PITPNC1: variants seen among roughly 807,000 people sequenced by gnomAD.
PITPNC1 encodes cytoplasmic phosphatidylinositol transfer protein 1.
PITPNC1 carries 18 observed loss-of-function variants against 44.7 expected under a neutral mutation model. That is an observed-to-expected ratio of 0.40 (90% CI 0.28 to 0.60). PITPNC1 has a LOEUF of 0.60. Ranked by LOEUF, PITPNC1 falls within the 20% of genes least tolerant of loss-of-function variation. The pLI is 0.39. For synonymous variants in PITPNC1, 141 were observed against 149.6 expected, an observed-to-expected ratio of 0.94 and a Z score of 0.42; for missense variants, 290 against 418.4, an observed-to-expected ratio of 0.69 and a Z score of 2.68.
intron 5 of PITPNC1, among the ~76,000 whole-genome samples, chr17:67,601,297 T>C (rs2041536414): frequency 6.6e-6 from 1 of 152,192 alleles, no homozygotes; most frequent in Non-Finnish European, 1.5e-5. Context: ...TAGCAACAGC[T>C]GGTCAATGAA....
At chr17:67,485,704 C>G (rs2039769560) in intron 1 of PITPNC1, among the ~76,000 whole-genome samples, 1 of 152,020 alleles carries the variant, frequency 6.6e-6, no homozygotes, top group Non-Finnish European at 1.5e-5. Flanking sequence ...TCTGTAAGAT[C>G]AGGAGTTGAG....
At chr17:67,532,707 C>T (rs2040478842) in intron 1 of PITPNC1, 95 bp from the exon 2 acceptor site, 1 of 956,306 alleles carries the variant, frequency 1.0e-6, no homozygotes, top group Non-Finnish European at 1.6e-6. Flanking sequence ...GCAGAAGGTG[C>T]TGATGTTATT....
chr17:67,388,027 T>G (rs2038080562), intron 1 of PITPNC1, among the ~76,000 whole-genome samples: 1 of 152,206 alleles, frequency 6.6e-6, no homozygotes, highest in Admixed American at 6.5e-5. Flanking sequence ...GGTCCACACA[T>G]AGTAAATACT....
intron 1 of PITPNC1, among the ~76,000 whole-genome samples, chr17:67,479,964 C>T (rs895044205): frequency 2.6e-5 from 4 of 152,196 alleles, no homozygotes; most frequent in Admixed American, 2.0e-4. Context: ...AAATGACTTT[C>T]CCTGAATTAT....
At chr17:67,426,379 C>T (rs980888464) in intron 1 of PITPNC1, among the ~76,000 whole-genome samples, 4 of 152,094 alleles carry the variant, frequency 2.6e-5, no homozygotes, top group African/African-American at 9.7e-5. Context: ...CAACGATAGA[C>T]TGGATAAAGA....
chr17:67,413,432 T>TCTTTC (rs11275459), intron 1 of PITPNC1, among the ~76,000 whole-genome samples: 1 of 151,896 alleles, frequency 6.6e-6, no homozygotes, highest in East Asian at 1.9e-4. Context: ...TTTCTTTCTT[T>TCTTTC]TTGGAAAAGT....
At chr17:67,437,839 G>A (rs1410941334) in intron 1 of PITPNC1, among the ~76,000 whole-genome samples, 4 of 152,210 alleles carry the variant, frequency 2.6e-5, no homozygotes, top group South Asian at 2.1e-4. Context: ...AGGCCGAGGC[G>A]GGCGGATCAC....
rs145826192 is a variant in PITPNC1, at chr17:67,529,236, G to T, written c.49-3566G>T. Among the ~76,000 whole-genome samples, 78 of 152,320 alleles carry T rather than the reference G, an allele frequency of 5.1e-4. 2 individuals carry two copies. In the East Asian group the frequency reaches 7.3e-3, roughly 14 times the overall value. On this transcript the variant is annotated intron_variant, in intron 1 of 8. Transcript: ENST00000581322. ...TCTCCACTGAGCAGGAAGCACTCGAGCTGAGCCCAGCCAGGGCTGACTGGC... is the reference window on the plus strand; with the variant it reads ...TCTCCACTGAGCAGGAAGCACTCGATCTGAGCCCAGCCAGGGCTGACTGGC...
At chr17:67,599,809 A>G (rs1054495207) in intron 5 of PITPNC1, among the ~76,000 whole-genome samples, 2 of 152,146 alleles carry the variant, frequency 1.3e-5, no homozygotes, top group Admixed American at 6.6e-5. Context: ...CCTTTGCAAG[A>G]TTTCCCATCT....
At position 67,591,217 on chromosome 17, in the gene PITPNC1, GCTGGC is replaced by G. The variant is rs2041387567; in HGVS notation, c.366+12964_366+12968del. The stretch of plus-strand genomic sequence containing the variant: ...CAGATTGATGGGATTCTATAAAATA[GCTGGC>G]CTGTACTCTCCAAAATTGTTGAGGT... On this transcript the variant is annotated intron_variant, in intron 5 of 8. Coordinates refer to ENST00000581322, the MANE Select transcript of PITPNC1 (RefSeq NM_012417.4). 2.6e-5 allele frequency among the ~76,000 whole-genome samples: 4 copies of G among 152,150 alleles called. No homozygotes were observed. The South Asian group carries it at 8.3e-4, about 32-fold the overall frequency.
chr17:67,656,008 G>A (rs563466381), intron 6 of PITPNC1, among the ~76,000 whole-genome samples: 12 of 152,338 alleles, frequency 7.9e-5, no homozygotes, highest in African/African-American at 1.9e-4. Flanking sequence ...ATGGGAGCCC[G>A]GGTCGGGGTG....
chr17:67,598,512 CTTAAGGGCCCCAGAGAGACCCCTTAGGTT>C (rs2041489711), intron 5 of PITPNC1, among the ~76,000 whole-genome samples: 2 of 152,146 alleles, frequency 1.3e-5, no homozygotes, highest in African/African-American at 2.4e-5. Flanking sequence ...GTGCTTAGGT[CTTAAGGGCCCCAGAGAGACCCCTTAGGTT>C]TTAAGGGCCC....
chr17:67,607,582 C>A (rs1035334929), intron 5 of PITPNC1, among the ~76,000 whole-genome samples: 1 of 152,170 alleles, frequency 6.6e-6, no homozygotes, highest in Non-Finnish European at 1.5e-5. Flanking sequence ...AAGAAGAGTG[C>A]AGTGATTCTG....
chr17:67,554,909 A>G (rs1324698252), intron 4 of PITPNC1, among the ~76,000 whole-genome samples: 1 of 152,250 alleles, frequency 6.6e-6, no homozygotes, highest in African/African-American at 2.4e-5. Flanking sequence ...CCTCTGCAGA[A>G]TGAAGAAAAA....
intron 8 of PITPNC1, among the ~76,000 whole-genome samples, chr17:67,691,904 G>A (rs1025898381): frequency 1.3e-5 from 2 of 151,930 alleles, no homozygotes; most frequent in African/African-American, 4.8e-5. Flanking sequence ...AGCCTCACGG[G>A]GCCCTAATGC....
intron 7 of PITPNC1, among the ~76,000 whole-genome samples, chr17:67,674,968 C>T (rs1180573974): frequency 6.7e-6 from 1 of 148,826 alleles, no homozygotes; most frequent in Non-Finnish European, 1.5e-5. Flanking sequence ...GCCAAGATCG[C>T]GCCACTGCAC....
At chr17:67,409,515 T>C (rs2038459919) in intron 1 of PITPNC1, among the ~76,000 whole-genome samples, 1 of 152,158 alleles carries the variant, frequency 6.6e-6, no homozygotes, top group Non-Finnish European at 1.5e-5. Context: ...TTGCTGCATA[T>C]AACTACAAAT....
At chr17:67,542,229 TC>T in intron 2 of PITPNC1, among the ~76,000 whole-genome samples, 1 of 152,304 alleles carries the variant, frequency 6.6e-6, no homozygotes, top group Middle Eastern at 3.4e-3. Flanking sequence ...TTTAAAAAGT[TC>T]TTGGGCGTAT....
intron 5 of PITPNC1, among the ~76,000 whole-genome samples, chr17:67,609,120 C>G (rs564594624): frequency 1.3e-5 from 2 of 152,008 alleles, no homozygotes; most frequent in East Asian, 3.9e-4. Context: ...CCTCAGCCTC[C>G]CGAAGTGCTG....
Sources: gnomAD v4.1 joint callset for allele counts (sites outside exome capture counted in the v4.1 genomes callset) on GRCh38, gnomAD v4.1.1 for gene constraint, MANE v1.5 for transcripts, NCBI Gene and HGNC (gene_info 2026-07-23, HGNC 2026-07-21) for gene names.